LHFPL3: variants seen among roughly 807,000 people sequenced by gnomAD.
The protein encoded by LHFPL3 is LHFPL tetraspan subfamily member 3 protein.
In LHFPL3, 5 loss-of-function variants were observed where a neutral mutation model predicts 19.3. The ratio of observed to expected loss-of-function variants is 0.26; its 90% CI spans 0.14 to 0.54. LHFPL3 has a LOEUF of 0.54. Ranked by LOEUF, LHFPL3 falls within the 20% of genes least tolerant of loss-of-function variation. The probability of loss-of-function intolerance (pLI) is 0.94; values close to 1 mark genes in which losing one functional copy is unlikely to be tolerated. For synonymous variants in LHFPL3, 133 were observed against 126.2 expected, an observed-to-expected ratio of 1.05 and a Z score of -0.36; for missense variants, 249 against 307.4, an observed-to-expected ratio of 0.81 and a Z score of 1.42.
chr7:104,871,921 G>A (rs1320940089), intron 2 of LHFPL3, among the ~76,000 whole-genome samples: 3 of 151,594 alleles, frequency 2.0e-5, no homozygotes, highest in Non-Finnish European at 4.4e-5. Flanking sequence ...GCCTCCCAAA[G>A]TACTGGGATT....
At chr7:104,554,238 T>C (rs570466088) in intron 1 of LHFPL3, among the ~76,000 whole-genome samples, 4 of 152,282 alleles carry the variant, frequency 2.6e-5, no homozygotes, top group Admixed American at 1.3e-4. Flanking sequence ...CTAATCTCAG[T>C]TAATTCAACA....
intron 1 of LHFPL3, among the ~76,000 whole-genome samples, chr7:104,508,609 T>TAA (rs66573135): frequency 2.0e-4 from 23 of 117,622 alleles, no homozygotes; most frequent in Middle Eastern, 4.5e-3. Context: ...TAAAGTATAA[T>TAA]AAAAAAAAAT....
intron 1 of LHFPL3, among the ~76,000 whole-genome samples, chr7:104,643,081 A>T (rs977521623): frequency 6.6e-6 from 1 of 152,178 alleles, no homozygotes; most frequent in Non-Finnish European, 1.5e-5. Context: ...CTTTGTTTCT[A>T]CTTTGCAGAG....
intron 1 of LHFPL3, among the ~76,000 whole-genome samples, chr7:104,518,799 A>G (rs1487095515): frequency 3.1e-5 from 3 of 97,124 alleles, no homozygotes; most frequent in Non-Finnish European, 6.8e-5. Flanking sequence ...TAAATAGATG[A>G]TAGATAGATA....
chr7:104,413,162 C>T (rs890603869), intron 1 of LHFPL3, among the ~76,000 whole-genome samples: 4 of 152,212 alleles, frequency 2.6e-5, no homozygotes, highest in African/African-American at 9.6e-5. Flanking sequence ...CTTTTCACCA[C>T]GTGCAGGCTC....
intron 1 of LHFPL3, among the ~76,000 whole-genome samples, chr7:104,679,395 T>C (rs187507236): frequency 1.7e-4 from 26 of 152,356 alleles, no homozygotes; most frequent in Non-Finnish European, 2.6e-4. Context: ...TTCCACCTTG[T>C]TCTGTTTATT....
At chr7:104,829,793 G>A (rs1234487570) in intron 2 of LHFPL3, among the ~76,000 whole-genome samples, 3 of 151,910 alleles carry the variant, frequency 2.0e-5, no homozygotes, top group Non-Finnish European at 4.4e-5. Context: ...ATAAACATAC[G>A]TGTGCGTGTG....
chr7:104,460,444 T>A (rs558448714), intron 1 of LHFPL3, among the ~76,000 whole-genome samples: 1 of 152,214 alleles, frequency 6.6e-6, no homozygotes, highest in Admixed American at 6.5e-5. Flanking sequence ...CTACAATAGT[T>A]GAATGAATTT....
intron 1 of LHFPL3, among the ~76,000 whole-genome samples, chr7:104,416,245 T>A (rs1584304579): frequency 1.3e-5 from 2 of 152,200 alleles, no homozygotes; most frequent in East Asian, 3.9e-4. Context: ...CTGGTAAAGA[T>A]CATAAGCTAG....
intron 2 of LHFPL3, among the ~76,000 whole-genome samples, chr7:104,753,091 C>T (rs1291547636): frequency 6.6e-6 from 1 of 152,218 alleles, no homozygotes; most frequent in Non-Finnish European, 1.5e-5. Context: ...GAGGACCACA[C>T]TTTAAGCAAC....
chr7:104,600,635 G>A (rs1378686570), intron 1 of LHFPL3, among the ~76,000 whole-genome samples: 1 of 152,082 alleles, frequency 6.6e-6, no homozygotes, highest in Non-Finnish European at 1.5e-5. Context: ...TCTTTTTGCT[G>A]GCAAAAATTT....
At chr7:104,797,323 C>T (rs548668497) in intron 2 of LHFPL3, among the ~76,000 whole-genome samples, 2 of 152,300 alleles carry the variant, frequency 1.3e-5, no homozygotes, top group South Asian at 4.1e-4. Flanking sequence ...CTGGGTGGGG[C>T]TGTGAGACTT....
At chr7:104,383,923 T>C (rs1396905240) in intron 1 of LHFPL3, among the ~76,000 whole-genome samples, 1 of 152,224 alleles carries the variant, frequency 6.6e-6, no homozygotes, top group East Asian at 1.9e-4. Context: ...GTCTGACCTC[T>C]AGCAGTGGCC....
chr7:104,573,823 GT>G, intron 1 of LHFPL3, among the ~76,000 whole-genome samples: 1 of 152,188 alleles, frequency 6.6e-6, no homozygotes, highest in African/African-American at 2.4e-5. Context: ...TTTGCACACT[GT>G]ATATTGCATG....
intron 2 of LHFPL3, among the ~76,000 whole-genome samples, chr7:104,763,563 A>C (rs1249867731): frequency 6.6e-6 from 1 of 152,260 alleles, no homozygotes; most frequent in African/African-American, 2.4e-5. Context: ...CACAAGAGGC[A>C]GAGGCCATGC....
chr7:104,724,608 G>A (rs910444893), intron 1 of LHFPL3, among the ~76,000 whole-genome samples: 10 of 152,282 alleles, frequency 6.6e-5, no homozygotes, highest in African/African-American at 2.4e-4. Context: ...ACCTTTCAGA[G>A]GGTGGAGGGT....
At chr7:104,442,177 A>T (rs2116583312) in intron 1 of LHFPL3, among the ~76,000 whole-genome samples, 1 of 151,204 alleles carries the variant, frequency 6.6e-6, no homozygotes, top group African/African-American at 2.4e-5. Flanking sequence ...TCACATATAT[A>T]TTGGCCATTC....
chr7:104,859,877 A>G (rs1221876988), intron 2 of LHFPL3, among the ~76,000 whole-genome samples: 1 of 152,150 alleles, frequency 6.6e-6, no homozygotes, highest in African/African-American at 2.4e-5. Context: ...AGGTTTATCA[A>G]TTGTAACAAA....
intron 1 of LHFPL3, among the ~76,000 whole-genome samples, chr7:104,614,707 C>A (rs1791296431): frequency 7.3e-6 from 1 of 136,366 alleles, no homozygotes; most frequent in African/African-American, 2.8e-5. Flanking sequence ...TTCTTTCTTT[C>A]TTTCTTTCTT....
Sources: gnomAD v4.1 joint callset for allele counts (sites outside exome capture counted in the v4.1 genomes callset) on GRCh38, gnomAD v4.1.1 for gene constraint, MANE v1.5 for transcripts, NCBI Gene and HGNC (gene_info 2026-07-23, HGNC 2026-07-21) for gene names.